Variants in NYAP2 observed in about 807,000 individuals in gnomAD.
The protein encoded by NYAP2 is neuronal tyrosine-phosphorylated phosphoinositide-3-kinase adapter 2.
Under a neutral mutation model 50.4 loss-of-function variants are expected in NYAP2, and 23 were observed. The ratio of observed to expected loss-of-function variants is 0.46; its 90% CI spans 0.33 to 0.65. The LOEUF is 0.65. Ranked by LOEUF, NYAP2 falls within the 30% of genes least tolerant of loss-of-function variation. NYAP2 has a pLI of 0.02. For missense variants in NYAP2, 885 were observed against 861.0 expected, an observed-to-expected ratio of 1.03 and a Z score of -0.35; for synonymous variants, 394 against 365.2, an observed-to-expected ratio of 1.08 and a Z score of -0.90.
chr2:225,457,516 A>G (rs1003616775), intron 3 of NYAP2, among the ~76,000 whole-genome samples: 1 of 152,222 alleles, frequency 6.6e-6, no homozygotes, highest in Admixed American at 6.5e-5. Context: ...GCTACTGTAC[A>G]TAGTATCAAG....
At chr2:225,463,238 G>A (rs1689862429) in intron 3 of NYAP2, among the ~76,000 whole-genome samples, 1 of 152,246 alleles carries the variant, frequency 6.6e-6, no homozygotes, top group South Asian at 2.1e-4. Context: ...GAGCAGCCCT[G>A]TTTTCAGTGC....
At chr2:225,534,808 A>G (rs1691318053) in intron 4 of NYAP2, among the ~76,000 whole-genome samples, 1 of 152,244 alleles carries the variant, frequency 6.6e-6, no homozygotes, top group African/African-American at 2.4e-5. Context: ...ATACAAGAAT[A>G]GAAGATACAA....
In NYAP2 at chr2:225,459,630, A is replaced by AT. The variant is rs994278394; in HGVS notation, c.221+50532dup. Among the ~76,000 whole-genome samples the AT allele has an allele frequency of 1.5e-3, 225 of 151,846 alleles. 1 individual carries two copies. Among genetic ancestry groups the AT allele is most frequent in the Non-Finnish European group, 1.7e-3 (118 of 67,910 alleles). ...GCTACATTTTTTCCTCTATTTATTT[A>AT]TTTATTTATTTATTTTATTTATTTA... On this transcript the variant is annotated intron_variant, in intron 3 of 6. Coordinates refer to ENST00000636099, the Ensembl canonical transcript of NYAP2.
intron 3 of NYAP2, among the ~76,000 whole-genome samples, chr2:225,479,221 A>G (rs577583501): frequency 6.6e-6 from 1 of 152,320 alleles, no homozygotes; most frequent in East Asian, 1.9e-4. Flanking sequence ...AGCCAGAAGA[A>G]AAATCTGGTT....
the NYAP2 span, among the ~76,000 whole-genome samples, chr2:225,692,782 A>G: frequency 6.6e-6 from 1 of 152,020 alleles, no homozygotes; most frequent in African/African-American, 2.4e-5. Context: ...TCTTTCCATG[A>G]TACCATGTTG....
rs139763211 is a variant in NYAP2 at position 225,417,749 on chromosome 2, T to G, written c.221+8648T>G. ...GGCCGTTACCAAGGATACTTCTTAA[T>G]TTTCTATTAGGTTGATGTTTATATG... On this transcript the variant is annotated intron_variant, in intron 3 of 6. Transcript: ENST00000636099. 2.3e-3 allele frequency among the ~76,000 whole-genome samples: 357 copies of G among 152,292 alleles called. 2 individuals are homozygous for G. The highest frequency in any genetic ancestry group is 8.3e-3 in the African/African-American group (345 of 41,572).
At chr2:225,558,040 C>T (rs1011596346) in intron 4 of NYAP2, among the ~76,000 whole-genome samples, 1 of 152,080 alleles carries the variant, frequency 6.6e-6, no homozygotes, top group Non-Finnish European at 1.5e-5. Context: ...TGCCTGTGTA[C>T]TGCTTTGGGG....
intron 4 of NYAP2, among the ~76,000 whole-genome samples, chr2:225,535,047 A>C (rs1040998813): frequency 2.0e-5 from 3 of 152,312 alleles, no homozygotes; most frequent in East Asian, 1.9e-4. Context: ...GAGATACTGC[A>C]CTGCACTACA....
intron 4 of NYAP2, among the ~76,000 whole-genome samples, chr2:225,573,326 A>C (rs971852995): frequency 8.1e-5 from 12 of 147,968 alleles, no homozygotes; most frequent in African/African-American, 3.0e-4. Flanking sequence ...ATCTAGGCTC[A>C]CTGTAACTTC....
At chr2:225,501,799 T>C (rs1475802024) in intron 3 of NYAP2, among the ~76,000 whole-genome samples, 2 of 152,200 alleles carry the variant, frequency 1.3e-5, no homozygotes, top group Admixed American at 6.5e-5. Context: ...TCTCTTCCAC[T>C]ATCTCTACCC....
chr2:225,438,238 T>G (rs1184567494), intron 3 of NYAP2, among the ~76,000 whole-genome samples: 1 of 152,202 alleles, frequency 6.6e-6, no homozygotes, highest in Non-Finnish European at 1.5e-5. Flanking sequence ...ACTTTATGAG[T>G]ATAGATGAGT....
At chr2:225,566,174 T>C (rs933796770) in intron 4 of NYAP2, among the ~76,000 whole-genome samples, 3 of 152,194 alleles carry the variant, frequency 2.0e-5, no homozygotes, top group African/African-American at 7.2e-5. Flanking sequence ...AAGCATTTGA[T>C]AAATAGTGGC....
chr2:225,448,687 T>A (rs1326953638), intron 3 of NYAP2, among the ~76,000 whole-genome samples: 1 of 152,218 alleles, frequency 6.6e-6, no homozygotes, highest in Non-Finnish European at 1.5e-5. Flanking sequence ...GCTCACACTT[T>A]CAGCTGCAAC....
chr2:225,629,095 G>A (rs1574718621), intron 6 of NYAP2, among the ~76,000 whole-genome samples: 1 of 152,136 alleles, frequency 6.6e-6, no homozygotes, highest in African/African-American at 2.4e-5. Context: ...CAAGCTGTAG[G>A]CCCAGGAAAG....
At chr2:225,488,986 T>C (rs140548114) in intron 3 of NYAP2, among the ~76,000 whole-genome samples, 1 of 152,332 alleles carries the variant, frequency 6.6e-6, no homozygotes, top group African/African-American at 2.4e-5. Context: ...AGCACAGCTT[T>C]GCTAAGAATC....
intron 3 of NYAP2, among the ~76,000 whole-genome samples, chr2:225,462,391 A>G (rs917830335): frequency 2.0e-5 from 3 of 151,924 alleles, no homozygotes; most frequent in African/African-American, 4.8e-5. Flanking sequence ...TCTTCTTCCC[A>G]TCATCATTCC....
chr2:225,509,861 C>T (rs1690779869), intron 3 of NYAP2, among the ~76,000 whole-genome samples: 1 of 152,182 alleles, frequency 6.6e-6, no homozygotes, highest in African/African-American at 2.4e-5. Context: ...GATCTCCTAC[C>T]TGTACAAGGA....
intron 6 of NYAP2, among the ~76,000 whole-genome samples, chr2:225,649,548 C>A (rs1296866637): frequency 6.6e-6 from 1 of 152,188 alleles, no homozygotes; most frequent in African/African-American, 2.4e-5. Flanking sequence ...TTTAATGTCT[C>A]TCCCCTGAGA....
At chr2:225,697,841 T>G in the NYAP2 span, among the ~76,000 whole-genome samples, 1 of 151,986 alleles carries the variant, frequency 6.6e-6, no homozygotes, top group Admixed American at 6.6e-5. Context: ...TTCCATTCTT[T>G]TATTTTTGTT....
Sources: allele counts gnomAD v4.1 joint callset (sites outside exome capture counted in the v4.1 genomes callset), GRCh38; gene constraint gnomAD v4.1.1; transcripts MANE v1.5; gene names NCBI Gene and HGNC (gene_info 2026-07-23, HGNC 2026-07-21).